ZRANB3: variants seen among roughly 807,000 people sequenced by gnomAD.
ZRANB3 encodes DNA annealing helicase and endonuclease ZRANB3.
ZRANB3 carries 125 observed loss-of-function variants against 133.8 expected under a neutral mutation model. That is an observed-to-expected ratio of 0.93 (90% CI 0.81 to 1.08). ZRANB3 has a LOEUF of 1.08. ZRANB3 is among the 50% of genes least tolerant of loss of function. The pLI, the probability that ZRANB3 is intolerant of heterozygous loss-of-function variation, is 0.00. For missense variants in ZRANB3, 1,229 were observed against 1,275.5 expected (o/e 0.96, Z 0.56); for synonymous variants, 387 against 432.7 (o/e 0.89, Z 1.31).
intron 2 of ZRANB3, among the ~76,000 whole-genome samples, chr2:135,459,559 T>C (rs1690675530): frequency 1.3e-5 from 2 of 152,248 alleles, no homozygotes; most frequent in African/African-American, 4.8e-5. Context: ...ATTTTATCAC[T>C]GTCTTTGATT....
intron 12 of ZRANB3, among the ~76,000 whole-genome samples, chr2:135,245,946 AAAG>A (rs1167821141): frequency 6.8e-6 from 1 of 146,446 alleles, no homozygotes; most frequent in South Asian, 2.2e-4. Context: ...AAAAAAAAAA[AAAG>A]AGACAGGGTT....
chr2:135,290,929 C>T (rs559165904), intron 8 of ZRANB3, among the ~76,000 whole-genome samples: 3 of 152,086 alleles, frequency 2.0e-5, no homozygotes, highest in Non-Finnish European at 4.4e-5. Context: ...TAGGGAACAC[C>T]AATTATTCTG....
chr2:135,235,106 TCAC>T, intron 12 of ZRANB3, among the ~76,000 whole-genome samples: 1 of 152,050 alleles, frequency 6.6e-6, no homozygotes, highest in South Asian at 2.1e-4. Context: ...AAAGGGGATA[TCAC>T]CACCGATCCC....
intron 2 of ZRANB3, among the ~76,000 whole-genome samples, chr2:135,447,035 TTTTTA>T (rs1270348170): frequency 1.3e-5 from 2 of 152,092 alleles, no homozygotes; most frequent in African/African-American, 2.4e-5. Context: ...GTTTCAACCC[TTTTTA>T]TTTTATTTTA....
chr2:135,233,849 G>A (rs557698133), intron 12 of ZRANB3, among the ~76,000 whole-genome samples: 5 of 152,302 alleles, frequency 3.3e-5, no homozygotes, highest in Non-Finnish European at 7.3e-5. Context: ...ATGCCAAATT[G>A]TAAAGACCAT....
intron 8 of ZRANB3, among the ~76,000 whole-genome samples, chr2:135,301,200 T>C (rs1177305800): frequency 6.6e-6 from 1 of 151,714 alleles, no homozygotes; most frequent in Non-Finnish European, 1.5e-5. Flanking sequence ...TTTTTTTTTT[T>C]TTGAGACAGA....
intron 1 of ZRANB3, among the ~76,000 whole-genome samples, chr2:135,508,508 CAAAT>C (rs1693298106): frequency 6.6e-6 from 1 of 151,070 alleles, no homozygotes; most frequent in Admixed American, 6.6e-5. Flanking sequence ...TTAATAGGCA[CAAAT>C]AAGAGAAAAA....
intron 3 of ZRANB3, among the ~76,000 whole-genome samples, chr2:135,359,605 A>G (rs937592367): frequency 1.3e-5 from 2 of 151,686 alleles, no homozygotes; most frequent in South Asian, 2.1e-4. Context: ...AACAAAGAAA[A>G]GAAAAAAGAA....
chr2:135,504,010 G>C (rs909537090), intron 2 of ZRANB3, among the ~76,000 whole-genome samples: 2 of 151,854 alleles, frequency 1.3e-5, no homozygotes, highest in African/African-American at 4.8e-5. Flanking sequence ...AACAAAAAAC[G>C]ATGGAAATAA....
In ZRANB3 at chr2:135,420,124, T is replaced by TATATAA. The variant is rs1273584306; in HGVS notation, c.162-29305_162-29304insTTATAT. Among the ~76,000 whole-genome samples the TATATAA allele has an allele frequency of 2.5e-3, 227 of 91,318 alleles. 1 individual carries two copies. The highest frequency in any genetic ancestry group is 0.015 in the African/African-American group (221 of 14,334). The allele number at this position is 91,318 out of a possible 152,430, so 59.9% of individuals were successfully genotyped here. On this transcript the variant is annotated intron_variant, in intron 2 of 20. Transcript: ENST00000264159. ...ATATATATATATATATATATATATA[T>TATATAA]AACTTATAGAGGATATTTCTAGAAG...
intron 8 of ZRANB3, among the ~76,000 whole-genome samples, chr2:135,302,993 G>A (rs1167854266): frequency 6.6e-6 from 1 of 152,000 alleles, no homozygotes; most frequent in Non-Finnish European, 1.5e-5. Context: ...AACAGTCAAA[G>A]AAAAAAATTT....
At chr2:135,486,497 C>G (rs1692126367) in intron 2 of ZRANB3, among the ~76,000 whole-genome samples, 1 of 151,770 alleles carries the variant, frequency 6.6e-6, no homozygotes, top group African/African-American at 2.4e-5. Context: ...TCTGCAGTTA[C>G]TTTCTCCACT....
intron 2 of ZRANB3, among the ~76,000 whole-genome samples, chr2:135,400,209 C>T (rs1164590233): frequency 6.6e-6 from 1 of 152,042 alleles, no homozygotes; most frequent in African/African-American, 2.4e-5. Flanking sequence ...CACTGCACTC[C>T]AGCCTGGGCA....
At chr2:135,241,286 T>C (rs1416808592) in intron 12 of ZRANB3, among the ~76,000 whole-genome samples, 1 of 152,024 alleles carries the variant, frequency 6.6e-6, no homozygotes, top group East Asian at 1.9e-4. Context: ...CCTCTACTTA[T>C]CTTTCAACCC....
intron 6 of ZRANB3, among the ~76,000 whole-genome samples, chr2:135,318,215 TGTGTG>T (rs1683351457): frequency 3.2e-4 from 10 of 31,076 alleles, no homozygotes; most frequent in Non-Finnish European, 5.5e-4. Flanking sequence ...CACTATTTTG[TGTGTG>T]TGTGTGTGTG....
At chr2:135,372,027 G>T (rs1003233168) in intron 3 of ZRANB3, among the ~76,000 whole-genome samples, 4 of 152,070 alleles carry the variant, frequency 2.6e-5, no homozygotes, top group Non-Finnish European at 5.9e-5. Context: ...AATTAGCCAG[G>T]TGTGGTGGCA....
intron 3 of ZRANB3, among the ~76,000 whole-genome samples, chr2:135,390,169 G>GCGC (rs1295854762): frequency 6.6e-6 from 1 of 152,096 alleles, no homozygotes; most frequent in Non-Finnish European, 1.5e-5. Flanking sequence ...GTGAGCCACT[G>GCGC]CGCCTGGCCG....
intron 2 of ZRANB3, among the ~76,000 whole-genome samples, chr2:135,457,705 G>A (rs1456178153): frequency 6.6e-6 from 1 of 151,846 alleles, no homozygotes; most frequent in Non-Finnish European, 1.5e-5. Context: ...TAGTCTATGG[G>A]TTATCTTTAC....
chr2:135,298,186 C>T (rs1249622008), intron 8 of ZRANB3, among the ~76,000 whole-genome samples: 1 of 152,134 alleles, frequency 6.6e-6, no homozygotes. Flanking sequence ...CAAGATCGTA[C>T]CACTGCACTC....
Sources: allele counts gnomAD v4.1 joint callset (sites outside exome capture counted in the v4.1 genomes callset), GRCh38; gene constraint gnomAD v4.1.1; transcripts MANE v1.5; gene names NCBI Gene and HGNC (gene_info 2026-07-23, HGNC 2026-07-21).